Variants in CPNE8 observed in about 807,000 individuals in gnomAD.
The protein encoded by CPNE8 is copine 8.
Under a neutral mutation model 81.5 loss-of-function variants are expected in CPNE8, and 45 were observed. The observed-to-expected ratio is 0.55, with a 90% confidence interval of 0.44 to 0.71. CPNE8 has a LOEUF of 0.71. Ranked by LOEUF, CPNE8 falls within the 30% of genes least tolerant of loss-of-function variation. The pLI, the probability that CPNE8 is intolerant of heterozygous loss-of-function variation, is 0.00. For missense variants in CPNE8, 594 were observed against 672.1 expected (o/e 0.88, Z 1.28); for synonymous variants, 252 against 226.3 (o/e 1.11, Z -1.02).
intron 2 of CPNE8, among the ~76,000 whole-genome samples, chr12:38,873,966 T>C (rs1247330862): frequency 2.6e-5 from 4 of 152,126 alleles, no homozygotes; most frequent in African/African-American, 7.2e-5. Flanking sequence ...TTCTTTCTTT[T>C]TTTTTTAAGA....
chr12:38,895,202 C>T (rs1427757827), intron 1 of CPNE8, among the ~76,000 whole-genome samples: 1 of 152,012 alleles, frequency 6.6e-6, no homozygotes, highest in Non-Finnish European at 1.5e-5. Flanking sequence ...ATATTAATAT[C>T]GAAGTAGTTA....
intron 3 of CPNE8, among the ~76,000 whole-genome samples, chr12:38,856,402 GGAAAA>G (rs936690611): frequency 6.6e-5 from 10 of 152,006 alleles, no homozygotes; most frequent in Admixed American, 2.6e-4. Flanking sequence ...GGGCACAACT[GGAAAA>G]GAAAATTATA....
chr12:38,799,808 C>T (rs941548057), intron 6 of CPNE8, among the ~76,000 whole-genome samples: 21 of 142,480 alleles, frequency 1.5e-4, no homozygotes, highest in African/African-American at 2.0e-4. Context: ...GCGCACCGTG[C>T]GCGAGCCGAA....
intron 1 of CPNE8, among the ~76,000 whole-genome samples, chr12:38,893,561 G>C (rs1944343247): frequency 6.6e-6 from 1 of 152,210 alleles, no homozygotes; most frequent in Non-Finnish European, 1.5e-5. Flanking sequence ...AGCCACCCTG[G>C]TGCTGCTCTG....
At chr12:38,726,141 C>A (rs1296701366) in intron 11 of CPNE8, among the ~76,000 whole-genome samples, 1 of 151,756 alleles carries the variant, frequency 6.6e-6, no homozygotes, top group Non-Finnish European at 1.5e-5. Context: ...GGTTGGGGAC[C>A]CCTGGTCTAC....
At chr12:38,741,576 C>G (rs1941105449) in intron 10 of CPNE8, among the ~76,000 whole-genome samples, 1 of 152,142 alleles carries the variant, frequency 6.6e-6, no homozygotes, top group Non-Finnish European at 1.5e-5. Flanking sequence ...ACCATAAAAA[C>G]TCTAGAAGAA....
intron 6 of CPNE8, among the ~76,000 whole-genome samples, chr12:38,789,478 C>A (rs1942274554): frequency 6.6e-6 from 1 of 151,668 alleles, no homozygotes; most frequent in Non-Finnish European, 1.5e-5. Context: ...AACAAAAGTC[C>A]TCAAATTATG....
At chr12:38,656,391 CA>C (rs969329281) in intron 19 of CPNE8, among the ~76,000 whole-genome samples, 3 of 142,430 alleles carry the variant, frequency 2.1e-5, no homozygotes, top group African/African-American at 7.9e-5. Context: ...ACACACATTT[CA>C]TGGAAATGTT....
chr12:38,742,338 C>G (rs1333008472), intron 10 of CPNE8, among the ~76,000 whole-genome samples: 1 of 152,088 alleles, frequency 6.6e-6, no homozygotes. Context: ...CCACGGAATA[C>G]TATGCAGCCA....
intron 10 of CPNE8, among the ~76,000 whole-genome samples, chr12:38,731,253 G>A (rs186512189): frequency 7.4e-4 from 113 of 152,034 alleles, no homozygotes; most frequent in South Asian, 1.7e-3. Flanking sequence ...GGATGTCACA[G>A]TAGCCATTTG....
chr12:38,898,184 A>G (rs764580232), intron 1 of CPNE8, among the ~76,000 whole-genome samples: 1 of 152,140 alleles, frequency 6.6e-6, no homozygotes, highest in Non-Finnish European at 1.5e-5. Context: ...TGTCCTTTAA[A>G]CTGCTTCTAG....
At chr12:38,733,122 C>A (rs1364653056) in intron 10 of CPNE8, among the ~76,000 whole-genome samples, 2 of 151,898 alleles carry the variant, frequency 1.3e-5, no homozygotes, top group Admixed American at 1.3e-4. Context: ...CCAACCCAAG[C>A]TATAAGATGC....
chr12:38,704,826 G>GTGTATATATATA (rs1249607170), intron 13 of CPNE8, among the ~76,000 whole-genome samples: 2 of 50,200 alleles, frequency 4.0e-5, no homozygotes, highest in African/African-American at 9.2e-5. Context: ...GTATGTATGT[G>GTGTATATATATA]TATATATATA....
At chr12:38,800,076 GGGGAGGGGCGC>G (rs1478306578) in intron 6 of CPNE8, among the ~76,000 whole-genome samples, 2 of 130,218 alleles carry the variant, frequency 1.5e-5, no homozygotes, top group Non-Finnish European at 3.4e-5. Flanking sequence ...AACGAGGCTG[GGGGAGGGGCGC>G]CCGCCATTGC....
intron 15 of CPNE8, 97 bp downstream of exon 15, chr12:38,693,559 GC>G: frequency 9.5e-7 from 1 of 1,048,178 alleles, no homozygotes; most frequent in Non-Finnish European, 1.4e-6. Context: ...AGTCAGTAAA[GC>G]TTGCTACTTG....
intron 10 of CPNE8, among the ~76,000 whole-genome samples, chr12:38,748,103 C>T (rs1232616775): frequency 6.6e-6 from 1 of 151,956 alleles, no homozygotes; most frequent in Non-Finnish European, 1.5e-5. Context: ...CTCCGCTTCC[C>T]AGGCTTAAGC....
At chr12:38,823,126 A>G (rs1434234968) in intron 6 of CPNE8, among the ~76,000 whole-genome samples, 1 of 152,178 alleles carries the variant, frequency 6.6e-6, no homozygotes, top group East Asian at 1.9e-4. Flanking sequence ...CTTTCAGGAT[A>G]AGTCCACATC....
At position 38,864,016 on chromosome 12, in the gene CPNE8, T is replaced by C. The variant is rs1046415208; in HGVS notation, c.186+8988A>G. Among the ~76,000 whole-genome samples, 3 of 145,306 alleles carry C rather than the reference T, an allele frequency of 2.1e-5. No individual in the cohort carries two copies. In the East Asian group the frequency reaches 6.1e-4, roughly 30 times the overall value. On this transcript the variant is annotated intron_variant, in intron 3 of 19. Coordinates refer to ENST00000331366, the MANE Select transcript of CPNE8 (RefSeq NM_153634.3). Reference sequence around the variant, plus strand: ...TTGCAGTGAGCCGAGATTGCTCCACTGCACTCCAGCCTGGACGACAGAGCG... The same window carrying C: ...TTGCAGTGAGCCGAGATTGCTCCACCGCACTCCAGCCTGGACGACAGAGCG...
chr12:38,787,127 C>T (rs1429100249), intron 6 of CPNE8, among the ~76,000 whole-genome samples: 1 of 152,122 alleles, frequency 6.6e-6, no homozygotes, highest in Middle Eastern at 3.4e-3. Context: ...TATAGAGAAC[C>T]TTTTCATCCA....
Sources: gnomAD v4.1 joint callset for allele counts (sites outside exome capture counted in the v4.1 genomes callset) on GRCh38, gnomAD v4.1.1 for gene constraint, MANE v1.5 for transcripts, NCBI Gene and HGNC (gene_info 2026-07-23, HGNC 2026-07-21) for gene names.